The following TMEM161B variants were observed in gnomAD, a reference collection of about 807,000 sequenced individuals.
TMEM161B encodes transmembrane protein 161B.
A neutral mutation model predicts 61.8 loss-of-function variants in TMEM161B; 34 were observed. The observed-to-expected ratio is 0.55, with a 90% CI of 0.42 to 0.73. The LOEUF is 0.73. Ranked by LOEUF, TMEM161B falls within the 30% of genes least tolerant of loss-of-function variation. The probability of loss-of-function intolerance (pLI) is 0.00; values close to 1 mark genes in which losing one functional copy is unlikely to be tolerated. For synonymous variants in TMEM161B, 167 were observed against 192.8 expected (o/e 0.87, Z 1.11); for missense variants, 456 against 558.5 (o/e 0.82, Z 1.85).
intron 3 of TMEM161B, among the ~76,000 whole-genome samples, chr5:88,228,114 G>A (rs1335043092): frequency 6.6e-6 from 1 of 152,058 alleles, no homozygotes; most frequent in African/African-American, 2.4e-5. Flanking sequence ...AGCAAAAACT[G>A]GAAAATAACC....
rs1745548607 is a variant in TMEM161B at position 88,206,616 on chromosome 5, G to A, written c.599-117C>T. The A allele has an allele frequency of 3.9e-6, 4 of 1,016,448 alleles. No homozygotes were observed. The African/African-American group carries it at 4.9e-5, about 12-fold the overall frequency. 63.0% of individuals were successfully genotyped at this position (1,016,448 alleles called of 1,614,324 possible). ...AGCATCTTAAATTTTGAAGTGACTA[G>A]CTTAGCTCTTTCATGTGTTAATTAG... On this transcript the variant is annotated intron_variant, in intron 6 of 11. Coordinates refer to ENST00000296595, the MANE Select transcript of TMEM161B (RefSeq NM_153354.5).
chr5:88,267,744 C>G (rs1447219568), intron 1 of TMEM161B, among the ~76,000 whole-genome samples: 1 of 152,166 alleles, frequency 6.6e-6, no homozygotes, highest in African/African-American at 2.4e-5. Context: ...TCCATACCCC[C>G]CTACCCCTTG....
At chr5:88,234,277 G>C (rs558103154) in intron 2 of TMEM161B, among the ~76,000 whole-genome samples, 1 of 152,326 alleles carries the variant, frequency 6.6e-6, no homozygotes, top group South Asian at 2.1e-4. Context: ...ATACAGATGA[G>C]AGTGATGGGC....
At chr5:88,262,195 A>G (rs970887656) in intron 1 of TMEM161B, among the ~76,000 whole-genome samples, 3 of 152,186 alleles carry the variant, frequency 2.0e-5, no homozygotes, top group Admixed American at 1.3e-4. Flanking sequence ...TTAGGAAAAT[A>G]CAAATTAAAA....
Position 88,196,271 on chromosome 5 carries a change from A to C in TMEM161B, c.1404T>G (p.Ala468=). The stretch of plus-strand genomic sequence containing the variant: ...CAAAAAGGCTTGTAGAAAAGAGGCA[A>C]GCAGCAATCCACCAGGTCAGAAAAG... ...LLSFLTWWIA[A]CLFSTSLFGL... is the part of the protein sequence containing the mutation. The change falls in exon 12 of 12, where the codon GCT becomes GCG. Residue 468 remains alanine, a synonymous_variant. Transcript: ENST00000296595. The C allele has an allele frequency of 6.2e-7, 1 of 1,613,248 alleles. No individual in the cohort carries two copies. The highest frequency in any genetic ancestry group is 8.5e-7 in the Non-Finnish European group (1 of 1,179,450).
chr5:88,254,603 A>G (rs1398907749), intron 1 of TMEM161B, among the ~76,000 whole-genome samples: 3 of 152,120 alleles, frequency 2.0e-5, no homozygotes, highest in African/African-American at 7.2e-5. Flanking sequence ...TTGGGAGGCC[A>G]AGGCAGGAGG....
chr5:88,221,869 A>C, intron 4 of TMEM161B: 1 of 407,086 alleles, frequency 2.5e-6, no homozygotes, highest in Non-Finnish European at 5.0e-6. Context: ...ATGAAATATA[A>C]TGCAATTACA....
chr5:88,244,545 T>C (rs1369715843), intron 1 of TMEM161B, among the ~76,000 whole-genome samples: 1 of 151,482 alleles, frequency 6.6e-6, no homozygotes, highest in Non-Finnish European at 1.5e-5. Context: ...AGCCTTGTGG[T>C]ATAATTTGAA....
At chr5:88,247,334 C>T (rs1268464105) in intron 1 of TMEM161B, among the ~76,000 whole-genome samples, 1 of 151,962 alleles carries the variant, frequency 6.6e-6, no homozygotes, top group Non-Finnish European at 1.5e-5. Context: ...ACTTTGAGTA[C>T]TGTGTCAACC....
chr5:88,191,966 A>G (rs1171164896), downstream of TMEM161B, among the ~76,000 whole-genome samples: 4 of 95,726 alleles, frequency 4.2e-5, no homozygotes, highest in African/African-American at 1.5e-4. Context: ...CAAAAAAAAA[A>G]AAAAAAAAAA....
chr5:88,252,816 C>T (rs1007913005), intron 1 of TMEM161B, among the ~76,000 whole-genome samples: 2 of 152,094 alleles, frequency 1.3e-5, no homozygotes, highest in Admixed American at 6.5e-5. Context: ...GTATTGGAGA[C>T]TGGTTGTAAT....
intron 3 of TMEM161B, 55 bp downstream of exon 3, chr5:88,228,390 T>C: frequency 1.6e-6 from 2 of 1,266,298 alleles, no homozygotes; most frequent in South Asian, 2.7e-5. Context: ...CATAAAAATG[T>C]ATTTATATAA....
chr5:88,248,983 T>C (rs1753981721), intron 1 of TMEM161B, among the ~76,000 whole-genome samples: 1 of 152,028 alleles, frequency 6.6e-6, no homozygotes, highest in African/African-American at 2.4e-5. Flanking sequence ...CACTGACACA[T>C]TAGGTATTTC....
At chr5:88,247,515 A>G (rs1224006481) in intron 1 of TMEM161B, among the ~76,000 whole-genome samples, 4 of 152,140 alleles carry the variant, frequency 2.6e-5, no homozygotes, top group African/African-American at 9.6e-5. Flanking sequence ...AAAATAAAAA[A>G]GAGGATATTA....
chr5:88,225,338 T>TG (rs1193597315), intron 4 of TMEM161B, among the ~76,000 whole-genome samples: 5 of 152,108 alleles, frequency 3.3e-5, no homozygotes, highest in African/African-American at 4.8e-5. Context: ...AGTTAGGTTA[T>TG]GGGGGGTAAA....
intron 3 of TMEM161B, 153 bp downstream of exon 3, chr5:88,228,292 T>C: frequency 1.6e-6 from 1 of 606,122 alleles, no homozygotes; most frequent in Non-Finnish European, 2.8e-6. Flanking sequence ...TGTGTGTATA[T>C]ATTACTACAG....
chr5:88,252,632 G>A (rs1211377672), intron 1 of TMEM161B, among the ~76,000 whole-genome samples: 1 of 152,112 alleles, frequency 6.6e-6, no homozygotes, highest in African/African-American at 2.4e-5. Flanking sequence ...TTGGATGATT[G>A]GTAGAATACT....
At chr5:88,220,812 T>C in intron 4 of TMEM161B, 93 bp from the exon 5 acceptor site, 1 of 1,388,090 alleles carries the variant, frequency 7.2e-7, no homozygotes, top group South Asian at 1.5e-5. Context: ...TTATTTATAA[T>C]TAAAATACGC....
chr5:88,190,626 G>T (rs1340060684), downstream of TMEM161B, among the ~76,000 whole-genome samples: 2 of 152,216 alleles, frequency 1.3e-5, no homozygotes, highest in Non-Finnish European at 2.9e-5. Flanking sequence ...AACCCACCAA[G>T]GTGGAAGCTC....
Sources: gnomAD v4.1 joint callset for allele counts (sites outside exome capture counted in the v4.1 genomes callset) on GRCh38, gnomAD v4.1.1 for gene constraint, MANE v1.5 for transcripts, NCBI Gene and HGNC (gene_info 2026-07-23, HGNC 2026-07-21) for gene names.